COL5A1: variants seen among roughly 807,000 people sequenced by gnomAD.
COL5A1 encodes collagen type V alpha 1 chain.
In COL5A1, 16 loss-of-function variants were observed where a neutral mutation model predicts 263.7. That is an observed-to-expected ratio of 0.06 (90% CI 0.04 to 0.09). The LOEUF (loss-of-function observed/expected upper bound fraction) is 0.09, where lower values mean the gene tolerates loss of function less well. Among genes scored for constraint, COL5A1 ranks in the 10% least tolerant of loss-of-function variants. The pLI, the probability that COL5A1 is intolerant of heterozygous loss-of-function variation, is 1.00. For synonymous variants in COL5A1, 1,012 were observed against 1,004.5 expected, an observed-to-expected ratio of 1.01 and a Z score of -0.14; for missense variants, 2,036 against 2,540.5, an observed-to-expected ratio of 0.80 and a Z score of 4.27.
intron 1 of COL5A1, among the ~76,000 whole-genome samples, chr9:134,654,634 T>C (rs1320783426): frequency 3.4e-4 from 40 of 117,132 alleles, no homozygotes; most frequent in Non-Finnish European, 6.3e-4. Flanking sequence ...TGGGGGTGTG[T>C]AGGGCTGGAG....
chr9:134,685,011 GATCC>G (rs1304374971), intron 1 of COL5A1, among the ~76,000 whole-genome samples: 15 of 36,446 alleles, frequency 4.1e-4, no homozygotes, highest in South Asian at 1.1e-3. Context: ...TCCATTAATT[GATCC>G]ATCCATCCAT....
chr9:134,826,963 C>A (rs1352529039), intron 63 of COL5A1, among the ~76,000 whole-genome samples: 1 of 152,162 alleles, frequency 6.6e-6, no homozygotes, highest in East Asian at 1.9e-4. Flanking sequence ...CAGCCTTGGC[C>A]CAGGCGAGGA....
At position 134,826,639 on chromosome 9, in the gene COL5A1, T is replaced by A. The variant is rs552204451; in HGVS notation, c.5067+735T>A. On this transcript the variant is annotated intron_variant, in intron 63 of 65. Transcript: ENST00000371817. ...GTGTGTAGATGGCATGTGGATGATG[T>A]GTGGGTGCATGTGGCTGGTGGATGG... Among the ~76,000 whole-genome samples the A allele has an allele frequency of 5.3e-5, 8 of 149,556 alleles. No individual in the cohort carries two copies. In the South Asian group the frequency reaches 1.3e-3, roughly 24 times the overall value.
intron 1 of COL5A1, among the ~76,000 whole-genome samples, chr9:134,689,553 C>T (rs931989000): frequency 6.6e-6 from 1 of 152,222 alleles, no homozygotes; most frequent in Non-Finnish European, 1.5e-5. Context: ...CTCAGGCAAG[C>T]ACTCTCCACC....
chr9:134,824,650 G>A lies in COL5A1; in HGVS notation c.4749G>A (p.Thr1583=), dbSNP rs775725420. The A allele has an allele frequency of 4.0e-5, 65 of 1,614,072 alleles. No homozygotes were observed. Among genetic ancestry groups the A allele is most frequent in the Middle Eastern group, 1.6e-4 (1 of 6,084 alleles). Residue 1583 remains threonine, a synonymous_variant, in exon 62 of 66, where the codon ACG becomes ACA. Transcript: ENST00000371817. ...CCCTGCCAATCCAGGCATCCAGGAC[G>A]CGGCGGAACATCGACGCCAGCCAGC... ...IQPLPIQASR[T]RRNIDASQLL... is the part of the protein sequence containing the mutation.
At chr9:134,709,101 C>T in intron 4 of COL5A1, 1 of 378,072 alleles carries the variant, frequency 2.6e-6, no homozygotes, top group Non-Finnish European at 5.3e-6. Context: ...ACAAGGTCAC[C>T]TGTGGATCTA....
In COL5A1 at chr9:134,821,912, C is replaced by T. The variant is rs1001995224; in HGVS notation, c.4555-185C>T. ...GCAGCCTTGGGGTGGATGCTCAGGT[C>T]GATGGCTCCCCTGACATGCACAGCC... On this transcript the variant is annotated intron_variant, in intron 58 of 65. Transcript: ENST00000371817. This position sits in a 1 kb window ranked among gnomAD's most constrained non-coding sequence, Gnocchi z 4.2. Among the ~76,000 whole-genome samples, 8 of 152,166 alleles carry T rather than the reference C, an allele frequency of 5.3e-5. No homozygotes were observed. The highest frequency in any genetic ancestry group is 1.4e-4 in the African/African-American group (6 of 41,446).
At position 134,681,238 on chromosome 9, in the gene COL5A1, C is replaced by T. The variant is rs1012104895; in HGVS notation, c.110-9674C>T. Reference sequence around the variant, plus strand: ...TCGATGGCTCGGCCCTCAGCCCGGCCCTTCAAGAACTGTGGCTCTCTGGCT... The same window carrying T: ...TCGATGGCTCGGCCCTCAGCCCGGCTCTTCAAGAACTGTGGCTCTCTGGCT... On this transcript the variant is annotated intron_variant, in intron 1 of 65. Transcript: ENST00000371817. This position sits in a 1 kb window ranked among gnomAD's most constrained non-coding sequence, Gnocchi z 4.3. 2.5e-4 allele frequency among the ~76,000 whole-genome samples: 38 copies of T among 152,208 alleles called. No individual in the cohort carries two copies. Among genetic ancestry groups the T allele is most frequent in the Non-Finnish European group, 5.0e-4 (34 of 68,034 alleles).
chr9:134,676,862 G>T (rs992754028), intron 1 of COL5A1, among the ~76,000 whole-genome samples: 1 of 152,132 alleles, frequency 6.6e-6, no homozygotes, highest in Non-Finnish European at 1.5e-5. Context: ...TCCTTTGTTT[G>T]CTCATTGGCT....
chr9:134,750,786 G>A lies in COL5A1; in HGVS notation c.1570-4G>A. The A allele has an allele frequency of 6.2e-7, 1 of 1,613,312 alleles. No homozygotes were observed. The highest frequency in any genetic ancestry group is 8.5e-7 in the Non-Finnish European group (1 of 1,179,986). On this transcript the variant is annotated splice_polypyrimidine_tract_variant and splice_region_variant and intron_variant, in intron 12 of 65. Transcript: ENST00000371817. ...CCAGAGTGACCCTTGTCTTACACTT[G>A]CAGTTCCGGTTTGGAGGTGGCGGCG...
At chr9:134,780,516 G>A (rs1042045356) in intron 28 of COL5A1, among the ~76,000 whole-genome samples, 1 of 151,922 alleles carries the variant, frequency 6.6e-6, no homozygotes, top group Non-Finnish European at 1.5e-5. Context: ...TTGCATGGCC[G>A]CTGGCACGAG....
intron 5 of COL5A1, among the ~76,000 whole-genome samples, chr9:134,728,214 C>G (rs909086058): frequency 6.6e-6 from 1 of 152,232 alleles, no homozygotes; most frequent in Non-Finnish European, 1.5e-5. Flanking sequence ...CCAGGCTCCT[C>G]CCAGCTCCTG....
At position 134,758,168 on chromosome 9, in the gene COL5A1, A is replaced by G. The variant is rs987370850; in HGVS notation, c.1882-75A>G. 1.7e-5 allele frequency: 25 copies of G among 1,501,348 alleles called. No individual in the cohort carries two copies. The highest frequency in any genetic ancestry group is 2.3e-5 in the Non-Finnish European group (25 of 1,078,682). 93.0% of individuals were successfully genotyped at this position (1,501,348 alleles called of 1,614,324 possible). ...CGTGGTCCAAGGCGGGGCGGCCATC[A>G]CTTGGTGGACACCAAGGCGGGGTGT... On this transcript the variant is annotated intron_variant, in intron 17 of 65. Transcript: ENST00000371817. This position sits in a 1 kb window ranked among gnomAD's most constrained non-coding sequence, Gnocchi z 4.1.
At chr9:134,838,151 GCCCAAGCCTTCTGACATCA>G (rs777739506) in intron 65 of COL5A1, among the ~76,000 whole-genome samples, 4 of 152,174 alleles carry the variant, frequency 2.6e-5, no homozygotes, top group Non-Finnish European at 5.9e-5. Context: ...CAGTTTCCCA[GCCCAAGCCTTCTGACATCA>G]AGGCCCGACG....
At chr9:134,728,325 G>A (rs958522507) in intron 5 of COL5A1, among the ~76,000 whole-genome samples, 2 of 152,256 alleles carry the variant, frequency 1.3e-5, no homozygotes, top group Non-Finnish European at 2.9e-5. Context: ...CCGGGAGCCT[G>A]CTGGAGACAT....
chr9:134,679,798 G>A (rs974628883), intron 1 of COL5A1, among the ~76,000 whole-genome samples: 3 of 151,930 alleles, frequency 2.0e-5, no homozygotes, highest in East Asian at 1.9e-4. Flanking sequence ...GGTGCTCTCC[G>A]GTGGTCAGAT....
At chr9:134,747,211 ATTC>A (rs1039154749) in intron 11 of COL5A1, among the ~76,000 whole-genome samples, 6 of 151,986 alleles carry the variant, frequency 3.9e-5, no homozygotes, top group Admixed American at 3.3e-4. Context: ...CTACGTTCCC[ATTC>A]TTTGGAATTG....
rs771807198 is a variant in COL5A1 at position 134,805,045 on chromosome 9, G to A, written c.3185G>A (p.Arg1062Gln). The A allele has an allele frequency of 6.2e-5, 100 of 1,613,846 alleles. No homozygotes were observed. Among genetic ancestry groups the A allele is most frequent in the African/African-American group, 1.5e-4 (11 of 74,944 alleles). The change falls in exon 40 of 66, where the codon CGA becomes CAA. Residue 1062 changes from arginine (R) to glutamine (Q), a missense_variant. Coordinates refer to ENST00000371817, the MANE Select transcript of COL5A1 (RefSeq NM_000093.5). ...PPGLRGFPGD[R>Q]GLPGPVGALG... is the part of the protein sequence containing the mutation. ...GGATTACGTGGTTTCCCTGGGGACC[G>A]AGGGCTTCCTGGTCCAGTGGTGAGT... is the stretch of plus-strand genomic sequence containing the variant.
intron 32 of COL5A1, among the ~76,000 whole-genome samples, chr9:134,793,346 A>G (rs1432770518): frequency 1.3e-5 from 2 of 151,084 alleles, no homozygotes; most frequent in Admixed American, 6.6e-5. Context: ...ACAGGTGCCC[A>G]CAAGCAATTT....
Sources: gnomAD v4.1 joint callset for allele counts (sites outside exome capture counted in the v4.1 genomes callset) on GRCh38, gnomAD v4.1.1 for gene constraint, Gnocchi (gnomAD v3.1) non-coding constraint, MANE v1.5 for transcripts, NCBI Gene and HGNC (gene_info 2026-07-23, HGNC 2026-07-21) for gene names.